The following HSDL1 variants were observed in gnomAD, a reference collection of about 807,000 sequenced individuals.
HSDL1 encodes hydroxysteroid dehydrogenase like 1, also known as inactive hydroxysteroid dehydrogenase-like protein 1.
In HSDL1, 29 loss-of-function variants were observed where a neutral mutation model predicts 31.5. The ratio of observed to expected loss-of-function variants is 0.92; its 90% confidence interval spans 0.69 to 1.26. The LOEUF is 1.26. Ranked by LOEUF, HSDL1 falls within the 50% of genes most tolerant of loss-of-function variation. The pLI, the probability that HSDL1 is intolerant of heterozygous loss-of-function variation, is 0.00. For synonymous variants in HSDL1, 222 were observed against 155.2 expected (o/e 1.43, Z -3.20); for missense variants, 503 against 416.6 (o/e 1.21, Z -1.81).
chr16:84,129,811 C>T (rs1468079984), intron 4 of HSDL1, 36 bp from the exon 5 acceptor site: 2 of 1,539,600 alleles, frequency 1.3e-6, no homozygotes, highest in Admixed American at 3.7e-5. Flanking sequence ...ACTTTTAATT[C>T]TGGGTGAACT....
chr16:84,137,405 G>C (rs1391768415), intron 1 of HSDL1, among the ~76,000 whole-genome samples: 1 of 152,234 alleles, frequency 6.6e-6, no homozygotes, highest in Non-Finnish European at 1.5e-5. Context: ...GAGACTGGGA[G>C]AGGCAGACTG....
intron 5 of HSDL1, among the ~76,000 whole-genome samples, chr16:84,125,555 T>G (rs958013389): frequency 6.3e-4 from 95 of 150,814 alleles, no homozygotes; most frequent in African/African-American, 2.3e-3. Context: ...TACCCACCAA[T>G]CAATCACAAC....
At chr16:84,133,303 T>C (rs111932783) in intron 2 of HSDL1, among the ~76,000 whole-genome samples, 34 of 152,134 alleles carry the variant, frequency 2.2e-4, no homozygotes, top group African/African-American at 8.2e-4. Flanking sequence ...ACTGAAGAAA[T>C]GGAGAAGCAG....
rs933709248 is a variant in HSDL1, at chr16:84,124,558, A to T, written c.*72T>A. ...CAATGAAACACAGGAGATAAATTAA[A>T]TGTGTTTTTCCAAATGTCAGAATAT... On this transcript the variant is annotated 3_prime_UTR_variant, in exon 6 of 6. Transcript: ENST00000219439. The T allele has an allele frequency of 2.2e-6, 2 of 905,660 alleles. No individual in the cohort carries two copies. Among genetic ancestry groups the T allele is most frequent in the African/African-American group, 3.3e-5 (2 of 61,132 alleles). The allele number at this position is 905,660 out of a possible 1,614,324, so 56.1% of individuals were successfully genotyped here.
chr16:84,138,739 G>A (rs959127669), intron 1 of HSDL1, among the ~76,000 whole-genome samples: 2 of 152,182 alleles, frequency 1.3e-5, no homozygotes, highest in South Asian at 4.1e-4. Flanking sequence ...GAAAAGAAGA[G>A]CAAGTCCCTA....
chr16:84,143,766 G>A (rs1419017361), intron 1 of HSDL1, among the ~76,000 whole-genome samples: 1 of 151,720 alleles, frequency 6.6e-6, no homozygotes, highest in African/African-American at 2.4e-5. Flanking sequence ...GGAGGCCAAG[G>A]CGGGCAGATC....
intron 3 of HSDL1, 111 bp downstream of exon 3, chr16:84,130,991 T>G (rs1399736181): frequency 2.3e-6 from 2 of 867,020 alleles, no homozygotes; most frequent in African/African-American, 3.4e-5. Context: ...GCCATAAGTT[T>G]TATTTTTTTA....
At chr16:84,141,904 T>C (rs2086772613) in intron 1 of HSDL1, among the ~76,000 whole-genome samples, 1 of 152,210 alleles carries the variant, frequency 6.6e-6, no homozygotes, top group South Asian at 2.1e-4. Context: ...TTGTGTCTCA[T>C]TATAGTGTCT....
In HSDL1 at chr16:84,135,799, C is replaced by A. The variant is rs1362464966; in HGVS notation, c.-68-194G>T. On this transcript the variant is annotated intron_variant, in intron 1 of 5. Coordinates refer to ENST00000219439, the MANE Select transcript of HSDL1 (RefSeq NM_031463.5). ...CCCTCCTCTCAGAATAAGAAAAGCGCCTGGCGTCTGCTGGGGGCACAGTCC... is the reference window on the plus strand; with the variant it reads ...CCCTCCTCTCAGAATAAGAAAAGCGACTGGCGTCTGCTGGGGGCACAGTCC... Among the ~76,000 whole-genome samples, 4 of 152,242 alleles carry A rather than the reference C, an allele frequency of 2.6e-5. No individual in the cohort carries two copies. The South Asian group carries it at 6.2e-4, about 24-fold the overall frequency.
At position 84,129,616 on chromosome 16, in the gene HSDL1, C is replaced by A; in HGVS notation, c.826G>T (p.Ala276Ser). 6.2e-7 allele frequency: 1 copy of A among 1,614,182 alleles called. No homozygotes were observed. Among genetic ancestry groups the A allele is most frequent in the Non-Finnish European group, 8.5e-7 (1 of 1,180,042 alleles). ...SWLVPSPKVY[A>S]HHAVSTLGIS... ...CCAAGAGTAGAAACAGCATGATGTG[C>A]ATAGACTTTTGGCGAAGGCACCAAC... is the stretch of plus-strand genomic sequence containing the variant. Residue 276 changes from alanine to serine, a missense_variant, in exon 5 of 6, where the codon GCA (alanine) becomes TCA (serine). Coordinates refer to ENST00000219439, the MANE Select transcript of HSDL1 (RefSeq NM_031463.5).
At chr16:84,136,511 G>GC (rs2086713662) in intron 1 of HSDL1, among the ~76,000 whole-genome samples, 1 of 152,200 alleles carries the variant, frequency 6.6e-6, no homozygotes. Context: ...CCAGCGCTCA[G>GC]CCCTCAGCTC....
rs185397067 is a variant in HSDL1, at chr16:84,122,778, T to C, written c.*1852A>G. The C allele has an allele frequency of 1.3e-5, 2 of 152,252 alleles. No individual in the cohort carries two copies. The highest frequency in any genetic ancestry group is 4.8e-5 in the African/African-American group (2 of 41,464). The allele number at this position is 152,252 out of a possible 1,614,324, so 9.4% of individuals were successfully genotyped here. ...TAGAGAAGGTCTTGCTCTTCATCTT[T>C]CACTGCAGCTATGGACAGCTCGGCA... On this transcript the variant is annotated 3_prime_UTR_variant, in exon 6 of 6. Coordinates refer to ENST00000219439, the MANE Select transcript of HSDL1 (RefSeq NM_031463.5).
rs1269777133 is a variant in HSDL1, at chr16:84,124,519, T to C, written c.*111A>G. On this transcript the variant is annotated 3_prime_UTR_variant, in exon 6 of 6. Coordinates refer to ENST00000219439, the MANE Select transcript of HSDL1 (RefSeq NM_031463.5). ...TTTTGCAAATGACGAATCAACAGTA[T>C]GCTGAATAATCAGCAATGAAACACA... is the stretch of plus-strand genomic sequence containing the variant. 4.1e-6 allele frequency: 3 copies of C among 723,030 alleles called. No homozygotes were observed. The highest frequency in any genetic ancestry group is 3.5e-5 in the African/African-American group (2 of 57,208). The allele number at this position is 723,030 out of a possible 1,614,324, so 44.8% of individuals were successfully genotyped here.
chr16:84,129,953 T>C, intron 4 of HSDL1, 33 bp downstream of exon 4: 1 of 1,590,100 alleles, frequency 6.3e-7, no homozygotes, highest in Non-Finnish European at 8.6e-7. Context: ...TCTGTGGCAT[T>C]AGGATTTCAT....
In HSDL1 at chr16:84,124,508, A is replaced by G. The variant is rs1266858043; in HGVS notation, c.*122T>C. 2 of 681,460 alleles carry G rather than the reference A, an allele frequency of 2.9e-6. No individual in the cohort carries two copies. The highest frequency in any genetic ancestry group is 5.3e-6 in the Non-Finnish European group (2 of 375,478). The allele number at this position is 681,460 out of a possible 1,614,324, so 42.2% of individuals were successfully genotyped here. Reference sequence around the variant, plus strand: ...TATTATGTGTGTTTTGCAAATGACGAATCAACAGTATGCTGAATAATCAGC... The same window carrying G: ...TATTATGTGTGTTTTGCAAATGACGGATCAACAGTATGCTGAATAATCAGC... On this transcript the variant is annotated 3_prime_UTR_variant, in exon 6 of 6. Coordinates refer to ENST00000219439, the MANE Select transcript of HSDL1 (RefSeq NM_031463.5).
Position 84,131,138 on chromosome 16 carries a change from A to C in HSDL1, c.184T>G (p.Leu62Val), listed in dbSNP as rs752638121. 1.2e-6 allele frequency: 2 copies of C among 1,614,222 alleles called. No homozygotes were observed. Among genetic ancestry groups the C allele is most frequent in the Admixed American group, 1.7e-5 (1 of 60,026 alleles). Residue 62 changes from leucine (L) to valine (V), a missense_variant, in exon 3 of 6, where the codon TTG (leucine) becomes GTG (valine). Leu to Val is a conservative substitution (Grantham distance 32). Coordinates refer to ENST00000219439, the MANE Select transcript of HSDL1 (RefSeq NM_031463.5). ...FIPRLGSRAD[L>V]IKQYGRWAVV... Reference sequence around the variant, plus strand: ...GCCCATCTTCCATACTGCTTGATCAAGTCTGCTCTGCTCCCCAGGCGGGGG... The same window carrying C: ...GCCCATCTTCCATACTGCTTGATCACGTCTGCTCTGCTCCCCAGGCGGGGG...
chr16:84,129,887 TG>T, intron 4 of HSDL1, 98 bp downstream of exon 4: 1 of 1,402,164 alleles, frequency 7.1e-7, no homozygotes, highest in Non-Finnish European at 9.8e-7. Flanking sequence ...GATAAGCATA[TG>T]TGAGTTGCTG....
chr16:84,137,448 ACCT>A (rs1383130065), intron 1 of HSDL1, among the ~76,000 whole-genome samples: 1 of 152,100 alleles, frequency 6.6e-6, no homozygotes, highest in African/African-American at 2.4e-5. Flanking sequence ...GAGTGCATGG[ACCT>A]CCTCCTTGAG....
chr16:84,136,654 G>A (rs1446983566), intron 1 of HSDL1, among the ~76,000 whole-genome samples: 3 of 152,244 alleles, frequency 2.0e-5, no homozygotes, highest in Non-Finnish European at 4.4e-5. Context: ...AGGAACCTGG[G>A]GCTGAGGGGC....
Sources: allele counts gnomAD v4.1 joint callset (sites outside exome capture counted in the v4.1 genomes callset), GRCh38; gene constraint gnomAD v4.1.1; transcripts MANE v1.5; gene names NCBI Gene and HGNC (gene_info 2026-07-23, HGNC 2026-07-21).